The following RANGAP1 variants were observed in gnomAD, a reference collection of about 807,000 sequenced individuals.
The protein encoded by RANGAP1 is ran GTPase-activating protein 1.
Under a neutral mutation model 63.5 loss-of-function variants are expected in RANGAP1, and 38 were observed. That is an observed-to-expected ratio of 0.60 (90% CI 0.46 to 0.78). The LOEUF is 0.78. RANGAP1 is among the 30% of genes least tolerant of loss of function. The pLI, the probability that RANGAP1 is intolerant of heterozygous loss-of-function variation, is 0.00. For synonymous variants in RANGAP1, 329 were observed against 310.5 expected (o/e 1.06, Z -0.63); for missense variants, 630 against 740.3 (o/e 0.85, Z 1.73).
chr22:41,273,670 G>A (rs1489002275), intron 3 of RANGAP1, among the ~76,000 whole-genome samples: 1 of 148,856 alleles, frequency 6.7e-6, no homozygotes, highest in East Asian at 2.0e-4. Flanking sequence ...GGCAGGCTGA[G>A]GCAGAAGAAT....
chr22:41,266,157 G>A (rs1396249551), intron 4 of RANGAP1, among the ~76,000 whole-genome samples: 2 of 149,944 alleles, frequency 1.3e-5, no homozygotes, highest in African/African-American at 4.9e-5. Context: ...AGCCGAGATC[G>A]TGCCACTGCA....
chr22:41,246,459 GGACT>G lies in RANGAP1; in HGVS notation c.*140_*143del. 1 of 811,776 alleles carries G rather than the reference GGACT, an allele frequency of 1.2e-6. No individual in the cohort carries two copies. The highest frequency in any genetic ancestry group is 1.9e-6 in the Non-Finnish European group (1 of 513,184). 50.3% of individuals were successfully genotyped at this position (811,776 alleles called of 1,614,324 possible). ...CGCCACACCCACACACATACTCAGG[GGACT>G]GACAGGACACATGGGACACAGACCC... On this transcript the variant is annotated 3_prime_UTR_variant, in exon 16 of 16. Coordinates refer to ENST00000356244, the MANE Select transcript of RANGAP1 (RefSeq NM_002883.4).
chr22:41,287,995 A>T (rs143794186), upstream of RANGAP1, among the ~76,000 whole-genome samples: 447 of 152,212 alleles, frequency 2.9e-3, 4 homozygotes, highest in South Asian at 0.022. Context: ...CTAAATAAAT[A>T]AATAAATTAA....
chr22:41,265,596 G>A (rs1042931565), intron 4 of RANGAP1, among the ~76,000 whole-genome samples: 4 of 152,194 alleles, frequency 2.6e-5, no homozygotes, highest in African/African-American at 9.6e-5. Context: ...CTGGCAGATG[G>A]AGGTGGCCAT....
intron 2 of RANGAP1, among the ~76,000 whole-genome samples, chr22:41,275,812 G>C (rs1445236410): frequency 1.3e-5 from 2 of 152,108 alleles, no homozygotes; most frequent in East Asian, 3.9e-4. Flanking sequence ...CTGGTGTGGT[G>C]GCGTGCACCT....
intron 11 of RANGAP1, 100 bp downstream of exon 11, chr22:41,254,208 C>A (rs879225398): frequency 1.5e-4 from 195 of 1,305,888 alleles, no homozygotes; most frequent in Non-Finnish European, 2.7e-5. Flanking sequence ...TTTGTGGCTA[C>A]TGTGCTTAAG....
chr22:41,267,953 TG>T, intron 4 of RANGAP1, 143 bp downstream of exon 4: 1 of 829,284 alleles, frequency 1.2e-6, no homozygotes, highest in Non-Finnish European at 1.9e-6. Context: ...GGGCACGTGC[TG>T]GACTTGCCGG....
intron 11 of RANGAP1, among the ~76,000 whole-genome samples, chr22:41,253,416 T>C (rs780375778): frequency 3.3e-5 from 5 of 152,238 alleles, no homozygotes; most frequent in Non-Finnish European, 7.3e-5. Context: ...AGCCATTTGT[T>C]TAATTGATTC....
the RANGAP1 span, among the ~76,000 whole-genome samples, chr22:41,302,352 A>G: frequency 6.6e-6 from 1 of 151,240 alleles, no homozygotes; most frequent in Admixed American, 6.6e-5. The surrounding 1 kb of genome is among the most constrained non-coding windows in gnomAD (Gnocchi z 5.7). Context: ...CGGGGCCTGC[A>G]GCCGGGCCCG....
chr22:41,296,885 A>C, the RANGAP1 span, among the ~76,000 whole-genome samples: 1 of 152,156 alleles, frequency 6.6e-6, no homozygotes. Context: ...GGAAGAGCTG[A>C]TGGTTCAGGT....
At chr22:41,294,713 G>A in the RANGAP1 span, among the ~76,000 whole-genome samples, 36 of 143,202 alleles carry the variant, frequency 2.5e-4, no homozygotes, top group Non-Finnish European at 5.2e-4. Context: ...CACCCCGTCC[G>A]GGATGTGAGG....
intron 6 of RANGAP1, among the ~76,000 whole-genome samples, chr22:41,258,966 T>C (rs2034006947): frequency 6.6e-6 from 1 of 152,160 alleles, no homozygotes; most frequent in Non-Finnish European, 1.5e-5. Flanking sequence ...TTCAGCATTT[T>C]CTTGACAGGC....
rs759301756 is a variant in RANGAP1 at position 41,254,504 on chromosome 22, G to A, written c.1074-10C>T. On this transcript the variant is annotated splice_polypyrimidine_tract_variant and intron_variant, in intron 10 of 15. Coordinates refer to ENST00000356244, the MANE Select transcript of RANGAP1 (RefSeq NM_002883.4). ...CTCGTCCTCGTCATCACTGCAGAAA[G>A]AGCTGGCTGAAGCAGATCCTCTCTA... is the stretch of plus-strand genomic sequence containing the variant. 1.9e-6 allele frequency: 3 copies of A among 1,575,488 alleles called. No homozygotes were observed. Among genetic ancestry groups the A allele is most frequent in the Non-Finnish European group, 2.6e-6 (3 of 1,166,214 alleles).
chr22:41,266,030 A>C (rs531091961), intron 4 of RANGAP1, among the ~76,000 whole-genome samples: 1 of 151,996 alleles, frequency 6.6e-6, no homozygotes, highest in African/African-American at 2.4e-5. Context: ...GTGAAACCCC[A>C]TCTCTACTAA....
At chr22:41,299,900 C>T in the RANGAP1 span, among the ~76,000 whole-genome samples, 27 of 152,150 alleles carry the variant, frequency 1.8e-4, 2 homozygotes, top group South Asian at 3.1e-3. Flanking sequence ...TACAGGCTCC[C>T]GACACCACGC....
rs749754197 is a variant in RANGAP1 at position 41,251,034 on chromosome 22, C to G, written c.1456G>C (p.Val486Leu). The change falls in exon 13 of 16, where the codon GTG (valine) becomes CTG (leucine). Residue 486 changes from valine (V) to leucine (L), a missense_variant. This residue lies in a region of RANGAP1 where 428 missense variants were observed against 465.5 expected (regional missense o/e 0.92). Transcript: ENST00000356244. ...VSSVFKDEAT[V>L]RMAVQDAVDA... ...ACTGCATCCTGCACTGCCATCCTCA[C>G]AGTAGCTTCGTCCTTGAACACAGAT... 1 of 1,614,220 alleles carries G rather than the reference C, an allele frequency of 6.2e-7. No individual in the cohort carries two copies. The highest frequency in any genetic ancestry group is 1.3e-5 in the African/African-American group (1 of 75,060).
At chr22:41,293,840 G>A in the RANGAP1 span, among the ~76,000 whole-genome samples, 2 of 150,818 alleles carry the variant, frequency 1.3e-5, no homozygotes, top group East Asian at 3.9e-4. Flanking sequence ...TTCTCTTTTG[G>A]TGGATATGGG....
intron 5 of RANGAP1, among the ~76,000 whole-genome samples, chr22:41,261,860 A>G (rs2034189660): frequency 6.6e-6 from 1 of 152,226 alleles, no homozygotes; most frequent in Admixed American, 6.5e-5. Context: ...GAGAGACCAC[A>G]TGGAGTGGAT....
intron 2 of RANGAP1, among the ~76,000 whole-genome samples, chr22:41,276,576 T>G (rs1036013020): frequency 6.6e-6 from 1 of 151,678 alleles, no homozygotes; most frequent in Non-Finnish European, 1.5e-5. Flanking sequence ...GAGGCAGAGG[T>G]TGCAGTGAGC....
Sources: gnomAD v4.1 joint callset for allele counts (sites outside exome capture counted in the v4.1 genomes callset) on GRCh38, gnomAD v4.1.1 for gene constraint, gnomAD v4.1.1 regional missense constraint, Gnocchi (gnomAD v3.1) non-coding constraint, MANE v1.5 for transcripts, NCBI Gene and HGNC (gene_info 2026-07-23, HGNC 2026-07-21) for gene names.